The following STOML3 variants were observed in gnomAD, a reference collection of about 807,000 sequenced individuals.
STOML3 encodes the protein stomatin-like protein 3.
A neutral mutation model predicts 29.5 loss-of-function variants in STOML3; 31 were observed. The ratio of observed to expected loss-of-function variants is 1.05; its 90% CI spans 0.79 to 1.42. The LOEUF is 1.42. Among genes scored for constraint, STOML3 ranks in the 40% most tolerant of loss-of-function variants. STOML3 has a pLI of 0.00. For synonymous variants in STOML3, 122 were observed against 139.8 expected, an observed-to-expected ratio of 0.87 and a Z score of 0.90; for missense variants, 380 against 363.0, an observed-to-expected ratio of 1.05 and a Z score of -0.38.
chr13:38,973,822 C>A (rs1880977373), intron 3 of STOML3, among the ~76,000 whole-genome samples: 1 of 152,114 alleles, frequency 6.6e-6, no homozygotes, highest in African/African-American at 2.4e-5. Flanking sequence ...AAGTAGTTTT[C>A]TTATAATAAA....
intron 1 of STOML3, among the ~76,000 whole-genome samples, chr13:38,989,886 G>T (rs1460820404): frequency 6.6e-6 from 1 of 151,864 alleles, no homozygotes; most frequent in African/African-American, 2.4e-5. Context: ...AAGGTACAGA[G>T]CACAGGTTAG....
intron 1 of STOML3, among the ~76,000 whole-genome samples, chr13:38,984,142 G>A (rs1321787321): frequency 6.6e-6 from 1 of 152,070 alleles, no homozygotes; most frequent in Non-Finnish European, 1.5e-5. Context: ...TTCGTCATTT[G>A]TTTTTCAAGT....
rs372023131 is a variant in STOML3 at position 38,976,500 on chromosome 13, G to A, written c.229+40C>T. On this transcript the variant is annotated intron_variant, in intron 3 of 6. Coordinates refer to ENST00000379631, the MANE Select transcript of STOML3 (RefSeq NM_145286.3). ...GAAGGTGGTAGCAGTAGTATTAGGT[G>A]TCCCTGATCTTTCAGGGGCAGCCAC... 9.3e-6 allele frequency: 15 copies of A among 1,607,474 alleles called. No homozygotes were observed. The African/African-American group carries it at 1.9e-4, about 20-fold the overall frequency.
intron 5 of STOML3, among the ~76,000 whole-genome samples, chr13:38,969,863 T>G (rs1045207263): frequency 6.6e-6 from 1 of 152,208 alleles, no homozygotes; most frequent in Non-Finnish European, 1.5e-5. Flanking sequence ...TAATCTAACC[T>G]AAAAATAAAT....
chr13:38,983,592 A>G lies in STOML3; in HGVS notation c.53-6795T>C, dbSNP rs186838506. Among the ~76,000 whole-genome samples, 4 of 152,338 alleles carry G rather than the reference A, an allele frequency of 2.6e-5. No homozygotes were observed. In the East Asian group the frequency reaches 7.7e-4, roughly 29 times the overall value. On this transcript the variant is annotated intron_variant, in intron 1 of 6. Coordinates refer to ENST00000379631, the MANE Select transcript of STOML3 (RefSeq NM_145286.3). Reference sequence around the variant, plus strand: ...TGGCTAATCTGGCCACTGACATTATAAGCTCCTTCAGATAACCCTTGGAAC... The same window carrying G: ...TGGCTAATCTGGCCACTGACATTATGAGCTCCTTCAGATAACCCTTGGAAC...
chr13:38,972,163 A>C (rs1341434289), intron 4 of STOML3, among the ~76,000 whole-genome samples: 1 of 152,124 alleles, frequency 6.6e-6, no homozygotes, highest in African/African-American at 2.4e-5. Flanking sequence ...TGTCAGATTC[A>C]ATTCAGCTCC....
At chr13:38,988,311 T>TC (rs1157599423) in intron 1 of STOML3, among the ~76,000 whole-genome samples, 1 of 83,510 alleles carries the variant, frequency 1.2e-5, no homozygotes, top group Non-Finnish European at 2.0e-5. Flanking sequence ...ATATTTTATA[T>TC]ATAATATATT....
At chr13:38,983,107 C>T (rs1370658177) in intron 1 of STOML3, among the ~76,000 whole-genome samples, 1 of 152,174 alleles carries the variant, frequency 6.6e-6, no homozygotes, top group African/African-American at 2.4e-5. Context: ...CCCTCAAAAT[C>T]ATCTTCAGAG....
intron 1 of STOML3, among the ~76,000 whole-genome samples, chr13:38,988,396 TATATAAAATATATG>T (rs1868781664): frequency 1.1e-5 from 1 of 95,076 alleles, no homozygotes. Flanking sequence ...TCATATATTT[TATATAAAATATATG>T]ATATTTTATA....
chr13:38,986,647 G>A (rs978364670), intron 1 of STOML3, among the ~76,000 whole-genome samples: 1 of 152,176 alleles, frequency 6.6e-6, no homozygotes, highest in Non-Finnish European at 1.5e-5. Flanking sequence ...AACACGAGGG[G>A]TAAACATTAT....
intron 1 of STOML3, among the ~76,000 whole-genome samples, chr13:38,984,676 A>T (rs1868437530): frequency 1.3e-5 from 2 of 152,194 alleles, no homozygotes; most frequent in Non-Finnish European, 2.9e-5. Flanking sequence ...AAGTTTCTGT[A>T]GGTACACTCT....
At chr13:38,986,291 TC>T (rs1283757216) in intron 1 of STOML3, among the ~76,000 whole-genome samples, 11 of 152,166 alleles carry the variant, frequency 7.2e-5, no homozygotes, top group African/African-American at 2.6e-4. Context: ...TGCCTCGGCC[TC>T]CCAAAGTGCT....
At chr13:38,989,900 A>T (rs1385612109) in intron 1 of STOML3, among the ~76,000 whole-genome samples, 2 of 152,006 alleles carry the variant, frequency 1.3e-5, no homozygotes, top group African/African-American at 4.8e-5. Context: ...AGGTTAGGTC[A>T]TACACACACG....
At chr13:38,982,045 T>C (rs1292478705) in intron 1 of STOML3, among the ~76,000 whole-genome samples, 1 of 152,120 alleles carries the variant, frequency 6.6e-6, no homozygotes, top group Non-Finnish European at 1.5e-5. Flanking sequence ...AATGAAGTTG[T>C]GGTGTATTCA....
At chr13:38,979,120 G>T (rs984017815) in intron 1 of STOML3, among the ~76,000 whole-genome samples, 1 of 152,034 alleles carries the variant, frequency 6.6e-6, no homozygotes, top group Admixed American at 6.6e-5. Flanking sequence ...CCTTTTATAT[G>T]CTCCAAATAC....
chr13:38,976,067 A>G (rs369696509), intron 3 of STOML3, among the ~76,000 whole-genome samples: 3 of 152,288 alleles, frequency 2.0e-5, no homozygotes, highest in Non-Finnish European at 2.9e-5. Flanking sequence ...TTCCAGCTCT[A>G]TCTTTCTATG....
chr13:38,978,827 A>G (rs1881181194), intron 1 of STOML3, among the ~76,000 whole-genome samples: 1 of 152,166 alleles, frequency 6.6e-6, no homozygotes, highest in Non-Finnish European at 1.5e-5. Context: ...TGCTCTTATA[A>G]GCGATGTTTT....
In STOML3 at chr13:38,972,571, T is replaced by C. The variant is rs1326998116; in HGVS notation, c.253A>G (p.Ile85Val). Residue 85 changes from isoleucine to valine, a missense_variant, in exon 4 of 7, where the codon ATA becomes GTA. Coordinates refer to ENST00000379631, the MANE Select transcript of STOML3 (RefSeq NM_145286.3). ...GPGLILVLPC[I>V]DVFVKVDLRT... ...AGGTCAACTTTGACAAACACATCTATGCATGGCAGGACCAGGATCAAACCT... is the reference window on the plus strand; with the variant it reads ...AGGTCAACTTTGACAAACACATCTACGCATGGCAGGACCAGGATCAAACCT... 3 of 1,613,962 alleles carry C rather than the reference T, an allele frequency of 1.9e-6. No individual in the cohort carries two copies. Among genetic ancestry groups the C allele is most frequent in the Non-Finnish European group, 8.5e-7 (1 of 1,179,972 alleles).
intron 1 of STOML3, chr13:38,980,071 G>A (rs1445513877): frequency 1.3e-6 from 2 of 1,551,708 alleles, no homozygotes; most frequent in East Asian, 4.9e-5. Flanking sequence ...CGCCTCTGGA[G>A]TTCATCAAGC....
Sources: gnomAD v4.1 joint callset for allele counts (sites outside exome capture counted in the v4.1 genomes callset) on GRCh38, gnomAD v4.1.1 for gene constraint, MANE v1.5 for transcripts, NCBI Gene and HGNC (gene_info 2026-07-23, HGNC 2026-07-21) for gene names.